The following LRIG1 variants were observed in gnomAD, a reference collection of about 807,000 sequenced individuals.
LRIG1 encodes leucine rich repeats and immunoglobulin like domains 1, also known as leucine-rich repeats and immunoglobulin-like domains protein 1.
A neutral mutation model predicts 99.2 loss-of-function variants in LRIG1; 48 were observed. That is an observed-to-expected ratio of 0.48 (90% CI 0.38 to 0.62). The LOEUF (loss-of-function observed/expected upper bound fraction) is 0.62, where lower values mean the gene tolerates loss of function less well. Among genes scored for constraint, LRIG1 ranks in the 20% least tolerant of loss-of-function variants. The probability of loss-of-function intolerance (pLI) is 0.00; values close to 1 mark genes in which losing one functional copy is unlikely to be tolerated. For missense variants in LRIG1, 1,646 were observed against 1,434.4 expected (o/e 1.15, Z -2.38); for synonymous variants, 772 against 596.1 (o/e 1.29, Z -4.30).
chr3:66,487,661 G>A (rs942227616), intron 1 of LRIG1, among the ~76,000 whole-genome samples: 5 of 152,234 alleles, frequency 3.3e-5, no homozygotes, highest in African/African-American at 1.2e-4. Context: ...GATTCCTCCG[G>A]GAAAGGACGA....
At chr3:66,395,177 A>G (rs9827908) in intron 11 of LRIG1, among the ~76,000 whole-genome samples, 7,509 of 152,198 alleles carry the variant, frequency 0.049, 609 homozygotes, top group African/African-American at 0.17. Context: ...AAGAGAGCAC[A>G]CAGGCTTCCC....
chr3:66,402,735 G>A (rs763002730), intron 9 of LRIG1, among the ~76,000 whole-genome samples: 24 of 152,140 alleles, frequency 1.6e-4, no homozygotes, highest in Non-Finnish European at 1.8e-4. Context: ...CTAGAGGGGC[G>A]GCTCTTCTCT....
chr3:66,399,986 G>C (rs1174235097), intron 9 of LRIG1, among the ~76,000 whole-genome samples: 2 of 152,230 alleles, frequency 1.3e-5, no homozygotes, highest in Non-Finnish European at 2.9e-5. Context: ...GCCTGCAGGA[G>C]ATGCCCCAGT....
Position 66,500,490 on chromosome 3 carries a change from G to A in LRIG1, c.-83C>T. On this transcript the variant is annotated 5_prime_UTR_variant, in exon 1 of 19. Transcript: ENST00000273261. ...GCAGACGCGGGCGGGCCCGCGGGGC[G>A]CTCCGCTCGGCTCTAGACTCCGCAC... 1.4e-6 allele frequency: 1 copy of A among 731,224 alleles called. No homozygotes were observed. Among genetic ancestry groups the A allele is most frequent in the Non-Finnish European group, 2.0e-6 (1 of 509,520 alleles). The allele number at this position is 731,224 out of a possible 1,614,324, so 45.3% of individuals were successfully genotyped here.
At chr3:66,499,168 G>T (rs1411239075) in intron 1 of LRIG1, among the ~76,000 whole-genome samples, 5 of 150,434 alleles carry the variant, frequency 3.3e-5, no homozygotes, top group Non-Finnish European at 5.9e-5. Flanking sequence ...AGATTTGTTA[G>T]AAGTAAAAGA....
At chr3:66,405,843 C>T (rs1702250296) in intron 8 of LRIG1, 1 of 1,126,716 alleles carries the variant, frequency 8.9e-7, no homozygotes, top group Non-Finnish European at 1.1e-6. Flanking sequence ...GGTGCTGAGT[C>T]AGACTTGTGA....
At chr3:66,429,785 T>G (rs1703097331) in intron 3 of LRIG1, among the ~76,000 whole-genome samples, 2 of 133,896 alleles carry the variant, frequency 1.5e-5, no homozygotes, top group African/African-American at 6.7e-5. Context: ...GGAAACAGGG[T>G]GGGTGTGTGT....
rs370718021 is a variant in LRIG1, at chr3:66,414,354, A to C, written c.647+566T>G. On this transcript the variant is annotated intron_variant, in intron 5 of 18. Transcript: ENST00000273261. ...GGAGCTTGCAGTGAGCTGAGATCAC[A>C]CCACTGCACCCCACCTGGGGGACAG... is the stretch of plus-strand genomic sequence containing the variant. Among the ~76,000 whole-genome samples the C allele has an allele frequency of 1.7e-4, 26 of 152,162 alleles. No individual in the cohort carries two copies. The East Asian group carries it at 4.4e-3, about 26-fold the overall frequency.
At chr3:66,401,361 C>T (rs1702047496) in intron 9 of LRIG1, among the ~76,000 whole-genome samples, 2 of 152,198 alleles carry the variant, frequency 1.3e-5, no homozygotes, top group Admixed American at 6.5e-5. Flanking sequence ...TCAGATCCCC[C>T]CGCCCAGGCA....
intron 1 of LRIG1, among the ~76,000 whole-genome samples, chr3:66,494,076 T>C (rs1314085189): frequency 1.3e-5 from 2 of 151,976 alleles, no homozygotes; most frequent in Non-Finnish European, 2.9e-5. Context: ...GACAGGATAA[T>C]AAATTGGAGC....
intron 1 of LRIG1, among the ~76,000 whole-genome samples, chr3:66,492,520 T>G (rs1010919940): frequency 6.6e-6 from 1 of 152,192 alleles, no homozygotes; most frequent in Non-Finnish European, 1.5e-5. Flanking sequence ...CTTCACTCAT[T>G]TCCTTCATTT....
intron 12 of LRIG1, chr3:66,388,237 C>T (rs1446019430): frequency 6.7e-6 from 1 of 148,936 alleles, no homozygotes; most frequent in African/African-American, 2.5e-5. Flanking sequence ...GAAAAATTCA[C>T]TAGAGGGGCT....
In LRIG1 at chr3:66,410,247, C is replaced by T. The variant is rs1300343387; in HGVS notation, c.817G>A (p.Glu273Lys). Residue 273 changes from glutamate (E) to lysine (K), a missense_variant, in exon 7 of 19, where the codon GAA becomes AAA. Physicochemically the swap from Glu to Lys is moderately conservative, Grantham distance 56. Coordinates refer to ENST00000273261, the MANE Select transcript of LRIG1 (RefSeq NM_015541.3). ...CCGTAGAGCGAGCCGCTGTTCACTT[C>T]TACCAGGCTGTTGTACTCCAGGTGC... is the stretch of plus-strand genomic sequence containing the variant. The part of the protein sequence containing the change: ...VLHLEYNSLV[E>K]VNSGSLYGLT... 6.2e-7 allele frequency: 1 copy of T among 1,611,990 alleles called. No individual in the cohort carries two copies. The highest frequency in any genetic ancestry group is 1.7e-5 in the Admixed American group (1 of 59,636).
At chr3:66,385,876 ATG>A in intron 13 of LRIG1, 103 bp downstream of exon 13, 1 of 1,044,724 alleles carries the variant, frequency 9.6e-7, no homozygotes, top group East Asian at 2.4e-5. Flanking sequence ...CCACAGAAGC[ATG>A]TGTGTGTCCT....
chr3:66,445,941 T>C (rs1461110489), intron 3 of LRIG1, among the ~76,000 whole-genome samples: 3 of 152,144 alleles, frequency 2.0e-5, no homozygotes, highest in Non-Finnish European at 4.4e-5. Context: ...TTTTCCGACG[T>C]TGCACTCCAG....
At chr3:66,444,455 T>C (rs925765519) in intron 3 of LRIG1, among the ~76,000 whole-genome samples, 1 of 152,068 alleles carries the variant, frequency 6.6e-6, no homozygotes, top group African/African-American at 2.4e-5. Context: ...ACCACACTGG[T>C]GACATTAGGA....
intron 1 of LRIG1, among the ~76,000 whole-genome samples, chr3:66,468,014 T>G (rs34282946): frequency 0.077 from 11,660 of 152,138 alleles, 798 homozygotes; most frequent in Admixed American, 0.21. Context: ...CTTCAAAAAC[T>G]GAAGTTATGA....
chr3:66,444,949 G>A (rs543363839), intron 3 of LRIG1, among the ~76,000 whole-genome samples: 5 of 151,228 alleles, frequency 3.3e-5, no homozygotes, highest in South Asian at 2.1e-4. Context: ...ATATATATAC[G>A]TGTGTATATG....
intron 3 of LRIG1, among the ~76,000 whole-genome samples, chr3:66,447,447 G>C (rs1221141244): frequency 1.3e-5 from 2 of 152,094 alleles, no homozygotes; most frequent in African/African-American, 2.4e-5. Flanking sequence ...ATTTCAATGT[G>C]TTTTCAAATG....
Sources: allele counts gnomAD v4.1 joint callset (sites outside exome capture counted in the v4.1 genomes callset), GRCh38; gene constraint gnomAD v4.1.1; transcripts MANE v1.5; gene names NCBI Gene and HGNC (gene_info 2026-07-23, HGNC 2026-07-21).